PELP1: variants seen among roughly 807,000 people sequenced by gnomAD.
The protein encoded by PELP1 is proline-, glutamic acid- and leucine-rich protein 1.
In PELP1, 32 loss-of-function variants were observed where a neutral mutation model predicts 95.5. The observed-to-expected ratio is 0.34, with a 90% confidence interval of 0.25 to 0.45. PELP1 has a LOEUF of 0.45. PELP1 is among the 20% of genes least tolerant of loss of function. The pLI is 1.00. For synonymous variants in PELP1, 668 were observed against 600.1 expected, an observed-to-expected ratio of 1.11 and a Z score of -1.65; for missense variants, 1,358 against 1,444.8, an observed-to-expected ratio of 0.94 and a Z score of 0.97.
chr17:4,676,903 G>T, intron 5 of PELP1, 91 bp from the exon 6 acceptor site: 1 of 955,708 alleles, frequency 1.0e-6, no homozygotes, highest in Non-Finnish European at 1.6e-6. Context: ...CAGACTCTAA[G>T]CCCAGGTCTC....
intron 13 of PELP1, among the ~76,000 whole-genome samples, chr17:4,674,248 G>A (rs1251926464): frequency 1.3e-5 from 2 of 152,252 alleles, no homozygotes; most frequent in African/African-American, 2.4e-5. Flanking sequence ...ACCCGAGGCC[G>A]CCTGCAGCCC....
intron 1 of PELP1, 85 bp downstream of exon 1, chr17:4,703,778 G>A: frequency 8.5e-7 from 1 of 1,180,704 alleles, no homozygotes; most frequent in South Asian, 1.5e-5. Flanking sequence ...CCTCCCTATC[G>A]CACTTGCACT....
chr17:4,703,273 C>A lies in PELP1; in HGVS notation c.249+590G>T, dbSNP rs140445422. Among the ~76,000 whole-genome samples the A allele has an allele frequency of 1.2e-3, 186 of 152,252 alleles. 2 individuals are homozygous for A. The East Asian group carries it at 0.019, about 15-fold the overall frequency. On this transcript the variant is annotated intron_variant, in intron 1 of 16. Coordinates refer to ENST00000572293, the MANE Select transcript of PELP1 (RefSeq NM_014389.3). ...TCTTCCCACATGAGCTCTCCTCTGA[C>A]TGAACAGCCCCTCCCATATTTTTTC...
rs1354826828 is a variant in PELP1, at chr17:4,682,886, C to G, written c.487G>C (p.Ala163Pro). ...TCCCGGAACAGTGCAGGCAGCTGGG[C>G]TGCATATCGGAGGAGGTCCCTCAGG... ...AVLRDLLRYA[A>P]QLPALFRDIS... Residue 163 changes from alanine (A) to proline (P), a missense_variant, in exon 4 of 17, where the codon GCC becomes CCC. Physicochemically the swap from Ala to Pro is conservative, Grantham distance 27. Transcript: ENST00000572293. 6.3e-7 allele frequency: 1 copy of G among 1,594,814 alleles called. No homozygotes were observed. The highest frequency in any genetic ancestry group is 1.1e-5 in the South Asian group (1 of 87,210).
intron 3 of PELP1, among the ~76,000 whole-genome samples, chr17:4,683,443 A>G (rs1466289594): frequency 2.0e-5 from 3 of 149,676 alleles, no homozygotes; most frequent in South Asian, 2.1e-4. Flanking sequence ...GATGGTCTCG[A>G]TCTCCGACCT....
Position 4,704,114 on chromosome 17 carries a change from TC to T in PELP1, c.-4del. The T allele has an allele frequency of 1.2e-6, 2 of 1,603,864 alleles. No homozygotes were observed. The highest frequency in any genetic ancestry group is 1.7e-6 in the Non-Finnish European group (2 of 1,177,332). The stretch of plus-strand genomic sequence containing the variant: ...CCACTCAGAACGGCTGCCGCCATCT[TC>T]CCCCGGGTTCCAGTGGTGGCGTGGC... On this transcript the variant is annotated 5_prime_UTR_variant, in exon 1 of 17. Coordinates refer to ENST00000572293, the MANE Select transcript of PELP1 (RefSeq NM_014389.3).
intron 1 of PELP1, among the ~76,000 whole-genome samples, chr17:4,694,981 T>C (rs1913240660): frequency 6.7e-6 from 1 of 149,996 alleles, no homozygotes; most frequent in African/African-American, 2.5e-5. Flanking sequence ...TTTGCCAAGA[T>C]TGCACCACTG....
intron 5 of PELP1, among the ~76,000 whole-genome samples, chr17:4,682,097 C>A (rs1912712366): frequency 6.6e-6 from 1 of 151,536 alleles, no homozygotes; most frequent in African/African-American, 2.4e-5. Context: ...GAGGTCAAGG[C>A]TACAGTGAGC....
intron 5 of PELP1, among the ~76,000 whole-genome samples, chr17:4,681,134 C>G (rs1912668919): frequency 6.6e-6 from 1 of 152,102 alleles, no homozygotes; most frequent in East Asian, 1.9e-4. Context: ...GGCAATTGTC[C>G]TAGGGAAGTG....
At chr17:4,697,215 C>CTAGAG (rs1732471646) in intron 1 of PELP1, among the ~76,000 whole-genome samples, 2 of 151,752 alleles carry the variant, frequency 1.3e-5, no homozygotes, top group Admixed American at 1.3e-4. Context: ...ACAGGAGAAT[C>CTAGAG]GAGAGGAGAG....
intron 1 of PELP1, among the ~76,000 whole-genome samples, chr17:4,693,652 G>A (rs762521399): frequency 1.4e-4 from 21 of 152,186 alleles, no homozygotes; most frequent in Non-Finnish European, 1.8e-4. Flanking sequence ...CAGGCAGGGA[G>A]CATGTGCAAC....
intron 1 of PELP1, among the ~76,000 whole-genome samples, chr17:4,692,693 G>A (rs1338694209): frequency 2.6e-5 from 4 of 151,880 alleles, no homozygotes; most frequent in Non-Finnish European, 1.5e-5. Flanking sequence ...ATTTAGGAGA[G>A]TAGATACAAA....
chr17:4,688,492 A>G (rs751013615), intron 3 of PELP1, among the ~76,000 whole-genome samples: 2 of 152,218 alleles, frequency 1.3e-5, no homozygotes, highest in Non-Finnish European at 2.9e-5. Context: ...TGAAGCCGGT[A>G]AAGTTTCAGG....
intron 3 of PELP1, among the ~76,000 whole-genome samples, chr17:4,689,600 T>C (rs1385986129): frequency 6.6e-6 from 1 of 152,200 alleles, no homozygotes; most frequent in Non-Finnish European, 1.5e-5. Flanking sequence ...ATCCCACTAC[T>C]GGACATCTAC....
chr17:4,681,852 TA>T (rs925770079), intron 5 of PELP1, among the ~76,000 whole-genome samples: 9 of 148,136 alleles, frequency 6.1e-5, no homozygotes, highest in African/African-American at 1.2e-4. Context: ...GTTAAAAATT[TA>T]AAAAAAAAAT....
Position 4,672,211 on chromosome 17 carries a change from T to G in PELP1, c.2780A>C (p.Glu927Ala). The G allele has an allele frequency of 6.4e-7, 1 of 1,552,088 alleles. No homozygotes were observed. Among genetic ancestry groups the G allele is most frequent in the Non-Finnish European group, 8.7e-7 (1 of 1,147,274 alleles). The part of the protein sequence containing the change: ...EEEYFEEEEE[E>A]EEEFEEEFEE... Reference sequence around the variant, plus strand: ...AAATTCTTCCTCAAACTCTTCTTCCTCCTCTTCTTCCTCTTCAAAATATTC... The same window carrying G: ...AAATTCTTCCTCAAACTCTTCTTCCGCCTCTTCTTCCTCTTCAAAATATTC... The change falls in exon 16 of 17, where the codon GAG becomes GCG. Residue 927 changes from glutamate to alanine, a missense_variant. Glu to Ala is a moderately radical substitution (Grantham distance 107). Coordinates refer to ENST00000572293, the MANE Select transcript of PELP1 (RefSeq NM_014389.3).
chr17:4,675,369 A>G lies in PELP1; in HGVS notation c.1069-7T>C, dbSNP rs1326311067. ...GACCATCTCCATGCAAGCTCTGGAGAAAAAAGGGGCAGAGATAAAGAGTGG... is the reference window on the plus strand; with the variant it reads ...GACCATCTCCATGCAAGCTCTGGAGGAAAAAGGGGCAGAGATAAAGAGTGG... On this transcript the variant is annotated splice_polypyrimidine_tract_variant and splice_region_variant and intron_variant, in intron 9 of 16. Transcript: ENST00000572293. The surrounding 1 kb of genome is among the most constrained non-coding windows in gnomAD (Gnocchi z 4.3). The G allele has an allele frequency of 1.0e-5, 15 of 1,474,716 alleles. No homozygotes were observed. The highest frequency in any genetic ancestry group is 4.6e-6 in the Non-Finnish European group (5 of 1,078,590). 91.4% of individuals were successfully genotyped at this position (1,474,716 alleles called of 1,614,324 possible).
chr17:4,695,716 C>T (rs1160001658), intron 1 of PELP1, among the ~76,000 whole-genome samples: 2 of 149,468 alleles, frequency 1.3e-5, no homozygotes, highest in East Asian at 2.0e-4. Flanking sequence ...CAGTGATTCA[C>T]GCCTGTAATC....
intron 3 of PELP1, 142 bp from the exon 4 acceptor site, chr17:4,683,094 G>T: frequency 7.6e-7 from 1 of 1,323,662 alleles, no homozygotes. Flanking sequence ...CAGAAAAGAG[G>T]GTGTGGAGAC....
Sources: gnomAD v4.1 joint callset for allele counts (sites outside exome capture counted in the v4.1 genomes callset) on GRCh38, gnomAD v4.1.1 for gene constraint, Gnocchi (gnomAD v3.1) non-coding constraint, MANE v1.5 for transcripts, NCBI Gene and HGNC (gene_info 2026-07-23, HGNC 2026-07-21) for gene names.